Variants in ITPR2 observed in about 807,000 individuals in gnomAD.
The protein encoded by ITPR2 is inositol 1,4,5-trisphosphate-gated calcium channel ITPR2.
ITPR2 carries 207 observed loss-of-function variants against 317.1 expected under a neutral mutation model. The ratio of observed to expected loss-of-function variants is 0.65; its 90% CI spans 0.58 to 0.73. The LOEUF (loss-of-function observed/expected upper bound fraction) is 0.73. Ranked by LOEUF, ITPR2 falls within the 30% of genes least tolerant of loss-of-function variation. The pLI, the probability that ITPR2 is intolerant of heterozygous loss-of-function variation, is 0.00. For missense variants in ITPR2, 2,613 were observed against 3,284.0 expected (o/e 0.80, Z 4.99); for synonymous variants, 1,156 against 1,149.1 (o/e 1.01, Z -0.12).
In ITPR2 at chr12:26,489,357, T is replaced by C. The variant is rs541886060; in HGVS notation, c.5371-2106A>G. Among the ~76,000 whole-genome samples the C allele has an allele frequency of 1.5e-4, 23 of 152,276 alleles. No homozygotes were observed. The South Asian group carries it at 3.7e-3, about 25-fold the overall frequency. ...AGAATGGAGAAAGACAAGAGCATGA[T>C]GCAGGGAGAATCCTCAAGTGAAATA... On this transcript the variant is annotated intron_variant, in intron 39 of 56. Coordinates refer to ENST00000381340, the MANE Select transcript of ITPR2 (RefSeq NM_002223.4).
At chr12:26,590,270 C>T (rs558480856) in intron 32 of ITPR2, among the ~76,000 whole-genome samples, 11 of 152,168 alleles carry the variant, frequency 7.2e-5, no homozygotes, top group Non-Finnish European at 1.6e-4. Context: ...ATAATTTTGT[C>T]GTTTCAAAAT....
At chr12:26,712,418 A>G (rs982064706) in intron 8 of ITPR2, among the ~76,000 whole-genome samples, 5 of 152,172 alleles carry the variant, frequency 3.3e-5, no homozygotes, top group Admixed American at 2.0e-4. Flanking sequence ...TAAGATAATA[A>G]TTATGAAAAT....
rs1015270691 is a variant in ITPR2 at position 26,790,368 on chromosome 12, G to A, written c.93-141C>T. 1.9e-5 allele frequency: 12 copies of A among 637,946 alleles called. No homozygotes were observed. The African/African-American group carries it at 2.2e-4, about 12-fold the overall frequency. 39.5% of individuals were successfully genotyped at this position (637,946 alleles called of 1,614,324 possible). On this transcript the variant is annotated intron_variant, in intron 1 of 56. Transcript: ENST00000381340. ...GTAACTTTTTAACAATCATGGGTCT[G>A]TAAAAAGATTTGGTTGTAGAGATGT...
intron 1 of ITPR2, among the ~76,000 whole-genome samples, chr12:26,798,835 T>C (rs1028228199): frequency 3.3e-5 from 5 of 152,238 alleles, no homozygotes; most frequent in African/African-American, 1.2e-4. Context: ...CAAAACTTTC[T>C]GCCAAAATGT....
intron 2 of ITPR2, among the ~76,000 whole-genome samples, chr12:26,735,923 C>T (rs968242194): frequency 1.3e-5 from 2 of 152,118 alleles, no homozygotes; most frequent in African/African-American, 4.8e-5. Flanking sequence ...TCTTTTTAGC[C>T]CCACGCTGGT....
At chr12:26,721,294 G>C in intron 5 of ITPR2, 1 of 610,964 alleles carries the variant, frequency 1.6e-6, no homozygotes, top group East Asian at 2.7e-5. Context: ...ACCAAAGGAA[G>C]ATATCACCAG....
intron 55 of ITPR2, among the ~76,000 whole-genome samples, chr12:26,375,143 A>G (rs187690774): frequency 3.3e-4 from 50 of 152,360 alleles, no homozygotes; most frequent in African/African-American, 1.0e-3. Flanking sequence ...AGTAAAATGT[A>G]TCAGTCCTAA....
intron 37 of ITPR2, among the ~76,000 whole-genome samples, chr12:26,530,976 T>A (rs1001357360): frequency 1.2e-4 from 18 of 152,238 alleles, no homozygotes; most frequent in Non-Finnish European, 2.1e-4. Flanking sequence ...AACCCACTTT[T>A]AGTGCTGAAC....
At chr12:26,466,836 T>C (rs1942181463) in intron 45 of ITPR2, among the ~76,000 whole-genome samples, 2 of 152,332 alleles carry the variant, frequency 1.3e-5, no homozygotes, top group South Asian at 4.1e-4. Flanking sequence ...AGCCAACATA[T>C]TACTGAGCTA....
At chr12:26,762,901 T>A (rs955585856) in intron 2 of ITPR2, among the ~76,000 whole-genome samples, 3 of 152,094 alleles carry the variant, frequency 2.0e-5, no homozygotes, top group Admixed American at 1.3e-4. Flanking sequence ...TAACTTATCC[T>A]GGGAGGAGAA....
Position 26,436,387 on chromosome 12 carries a change from C to A in ITPR2, c.6644-41G>T. On this transcript the variant is annotated intron_variant, in intron 47 of 56. Coordinates refer to ENST00000381340, the MANE Select transcript of ITPR2 (RefSeq NM_002223.4). ...TGTAAAGGAACTGAACAGGAAAATA[C>A]ATTTTGGTTTCAACACATGAAGCTT... 5 of 1,567,210 alleles carry A rather than the reference C, an allele frequency of 3.2e-6. No homozygotes were observed. In the South Asian group the frequency reaches 6.2e-5, roughly 19 times the overall value.
chr12:26,671,566 G>A (rs1005312436), intron 13 of ITPR2, among the ~76,000 whole-genome samples: 21 of 151,962 alleles, frequency 1.4e-4, no homozygotes, highest in Admixed American at 5.2e-4. Flanking sequence ...ACATGGAAAG[G>A]AACAACTGGT....
chr12:26,637,491 T>C (rs1397050874), intron 21 of ITPR2, among the ~76,000 whole-genome samples: 1 of 152,198 alleles, frequency 6.6e-6, no homozygotes, highest in African/African-American at 2.4e-5. Context: ...TACAGAAGTG[T>C]GATATTTGTC....
chr12:26,427,776 T>C (rs556609306), intron 49 of ITPR2, 137 bp downstream of exon 49: 65 of 522,854 alleles, frequency 1.2e-4, no homozygotes, highest in African/African-American at 1.2e-3. Context: ...GTACAAATTA[T>C]GCTCTGGTTA....
intron 10 of ITPR2, among the ~76,000 whole-genome samples, chr12:26,692,382 G>C (rs569850252): frequency 2.0e-5 from 3 of 152,152 alleles, no homozygotes; most frequent in South Asian, 2.1e-4. Context: ...CACCACAACA[G>C]AGAATTATCT....
chr12:26,828,946 G>A (rs925753164), intron 1 of ITPR2, among the ~76,000 whole-genome samples: 1 of 152,208 alleles, frequency 6.6e-6, no homozygotes, highest in African/African-American at 2.4e-5. Context: ...TGAGATGGAA[G>A]ACCTATGGTC....
Position 26,419,108 on chromosome 12 carries a change from C to T in ITPR2, c.7051G>A (p.Ala2351Thr), listed in dbSNP as rs763031598. Reference protein sequence around the residue: ...ILDMAFLYHVAYVLVCMLGLF... With the variant: ...ILDMAFLYHVTYVLVCMLGLF... ...CCCAGCATGCAAACCAGGACATACG[C>T]CACGTGATAGAGAAAGGCCATATCC... Residue 2351 changes from alanine to threonine, a missense_variant, in exon 50 of 57, where the codon GCG (alanine) becomes ACG (threonine). Ala to Thr is a moderately conservative substitution (Grantham distance 58). Transcript: ENST00000381340. The T allele has an allele frequency of 5.0e-6, 8 of 1,613,768 alleles. No individual in the cohort carries two copies. Among genetic ancestry groups the T allele is most frequent in the African/African-American group, 1.3e-5 (1 of 74,988 alleles).
intron 2 of ITPR2, among the ~76,000 whole-genome samples, chr12:26,734,973 A>G (rs1949091819): frequency 6.8e-6 from 1 of 148,076 alleles, no homozygotes; most frequent in African/African-American, 2.5e-5. Context: ...ACAAACTGTA[A>G]TTGTGTAATT....
In ITPR2 at chr12:26,494,438, T is replaced by C. The variant is rs1030336985; in HGVS notation, c.5183-98A>G. ...AAATTTTATTATTTTAATAAAAATA[T>C]TAATCATTGAGATTTTTTCCCTACA... On this transcript the variant is annotated intron_variant, in intron 38 of 56. Coordinates refer to ENST00000381340, the MANE Select transcript of ITPR2 (RefSeq NM_002223.4). 9 of 798,902 alleles carry C rather than the reference T, an allele frequency of 1.1e-5. No homozygotes were observed. The Admixed American group carries it at 1.5e-4, about 13-fold the overall frequency. 49.5% of individuals were successfully genotyped at this position (798,902 alleles called of 1,614,324 possible).
Sources: gnomAD v4.1 joint callset for allele counts (sites outside exome capture counted in the v4.1 genomes callset) on GRCh38, gnomAD v4.1.1 for gene constraint, MANE v1.5 for transcripts, NCBI Gene and HGNC (gene_info 2026-07-23, HGNC 2026-07-21) for gene names.